Variants in RECQL4 observed in about 807,000 individuals in gnomAD.
RECQL4 encodes the protein RecQ like helicase 4, also known as ATP-dependent DNA helicase Q4.
Under a neutral mutation model 128.6 loss-of-function variants are expected in RECQL4, and 158 were observed. The observed-to-expected ratio is 1.23, with a 90% CI of 1.08 to 1.40. RECQL4 has a LOEUF of 1.40. RECQL4 is among the 40% of genes most tolerant of loss of function. The pLI, the probability that RECQL4 is intolerant of heterozygous loss-of-function variation, is 0.00. For synonymous variants in RECQL4, 996 were observed against 678.9 expected, an observed-to-expected ratio of 1.47 and a Z score of -7.26; for missense variants, 2,293 against 1,649.8, an observed-to-expected ratio of 1.39 and a Z score of -6.75.
chr8:144,517,084 T>A lies in RECQL4; in HGVS notation c.320A>T (p.Gln107Leu). Residue 107 changes from glutamine (Q) to leucine (L), a missense_variant, in exon 4 of 21, where the codon CAG (glutamine) becomes CTG (leucine). Transcript: ENST00000617875. ...SRQGSVPDYGQRLKANLKGTL... is the reference protein window; with the variant it reads ...SRQGSVPDYGLRLKANLKGTL... The stretch of plus-strand genomic sequence containing the variant: ...GCCTTTCAGATTGGCCTTGAGCCGC[T>A]GCCCGTAGTCCGGCACCGAGCCCTG... 6.2e-7 allele frequency: 1 copy of A among 1,612,260 alleles called. No individual in the cohort carries two copies. Among genetic ancestry groups the A allele is most frequent in the East Asian group, 2.2e-5 (1 of 44,860 alleles).
Position 144,517,708 on chromosome 8 carries a change from G to A in RECQL4, c.77C>T (p.Pro26Leu). ...CCCCTGGGCAGCCCGCACCTGGCTCGGTCGCCGCCCGCGCTGCCGTCGGAA... is the reference window on the plus strand; with the variant it reads ...CCCCTGGGCAGCCCGCACCTGGCTCAGTCGCCGCCCGCGCTGCCGTCGGAA... ...RAFRRQRGRRPSQDDVEAAPE... is the reference protein window; with the variant it reads ...RAFRRQRGRRLSQDDVEAAPE... The change falls in exon 1 of 21, where the codon CCG (proline) becomes CTG (leucine). Residue 26 changes from proline to leucine, a missense_variant. By Grantham distance (98) the Pro-to-Leu change is moderately conservative. Coordinates refer to ENST00000617875, the MANE Select transcript of RECQL4 (RefSeq NM_004260.4). 7.3e-7 allele frequency: 1 copy of A among 1,369,986 alleles called. No individual in the cohort carries two copies. Among genetic ancestry groups the A allele is most frequent in the Non-Finnish European group, 9.4e-7 (1 of 1,062,018 alleles). 84.9% of individuals were successfully genotyped at this position (1,369,986 alleles called of 1,614,324 possible). A position where few individuals can be genotyped will look rare whatever the true frequency, so the allele number is the denominator to read the frequency against.
chr8:144,513,764 GTGC>G (rs1827710346), intron 12 of RECQL4, 52 bp from the exon 13 acceptor site: 2 of 1,491,860 alleles, frequency 1.3e-6, no homozygotes, highest in Non-Finnish European at 1.8e-6. Context: ...GGGTCGGCGT[GTGC>G]AGTGGGGAGT....
chr8:144,514,215 G>A lies in RECQL4; in HGVS notation c.1852C>T (p.Arg618Trp), dbSNP rs766726409. 3.5e-5 allele frequency: 57 copies of A among 1,612,182 alleles called. No homozygotes were observed. The highest frequency in any genetic ancestry group is 4.0e-5 in the African/African-American group (3 of 74,880). ...HCLSQWSHNF[R>W]PCYLRVCKVL... ...TTGCAGACGCGCAGGTAGCAGGGCC[G>A]GAAGTTGTGGGACCACTGGGAGAGG... The change falls in exon 11 of 21, where the codon CGG becomes TGG. Residue 618 changes from arginine to tryptophan, a missense_variant. Physicochemically the swap from Arg to Trp is moderately radical, Grantham distance 101 (BLOSUM62 -3). Coordinates refer to ENST00000617875, the MANE Select transcript of RECQL4 (RefSeq NM_004260.4).
At position 144,513,914 on chromosome 8, in the gene RECQL4, G is replaced by A; in HGVS notation, c.2058+14C>T. 2.6e-6 allele frequency: 4 copies of A among 1,550,374 alleles called. No individual in the cohort carries two copies. Among genetic ancestry groups the A allele is most frequent in the Non-Finnish European group, 3.5e-6 (4 of 1,147,616 alleles). On this transcript the variant is annotated intron_variant, in intron 12 of 20. Transcript: ENST00000617875. ...GCCAGGGCCCTGCAGGGTCCCCAGA[G>A]CACACACACCCACCTGGTCTGTGTC...
At chr8:144,514,709 G>A (rs1038463355) in intron 9 of RECQL4, among the ~76,000 whole-genome samples, 184 bp from the exon 10 acceptor site, 1 of 152,216 alleles carries the variant, frequency 6.6e-6, no homozygotes, top group African/African-American at 2.4e-5. Flanking sequence ...AGAGCAGACA[G>A]ACTGAAGTAG....
At chr8:144,515,288 C>T (rs962197918) in intron 7 of RECQL4, 38 bp downstream of exon 7, 3 of 1,610,756 alleles carry the variant, frequency 1.9e-6, no homozygotes, top group Admixed American at 1.7e-5. Flanking sequence ...CACCCCAACC[C>T]CTCAGTGAAG....
In RECQL4 at chr8:144,516,127, C is replaced by G. The variant is rs1156246668; in HGVS notation, c.992G>C (p.Gly331Ala). 6.2e-7 allele frequency: 1 copy of G among 1,612,960 alleles called. No homozygotes were observed. Among genetic ancestry groups the G allele is most frequent in the Non-Finnish European group, 8.5e-7 (1 of 1,179,878 alleles). The change falls in exon 5 of 21, where the codon GGG (glycine) becomes GCG (alanine). Residue 331 changes from glycine to alanine, a missense_variant. Physicochemically the swap from Gly to Ala is moderately conservative, Grantham distance 60. Coordinates refer to ENST00000617875, the MANE Select transcript of RECQL4 (RefSeq NM_004260.4). ...CAGGGGGGCTGTGCCCTCAGCCTTC[C>G]CAGCCCTAGCTTGACTGGAGGGGCT... ...GLSPSSQARA[G>A]KAEGTAPLHI...
At position 144,512,980 on chromosome 8, in the gene RECQL4, C is replaced by T; in HGVS notation, c.2622G>A (p.Val874=). 6.4e-7 allele frequency: 1 copy of T among 1,570,188 alleles called. No homozygotes were observed. Among genetic ancestry groups the T allele is most frequent in the Non-Finnish European group, 8.6e-7 (1 of 1,158,138 alleles). The change falls in exon 15 of 21, where the codon GTG becomes GTA. Residue 874 remains valine (V), a synonymous_variant. Transcript: ENST00000617875. ...CAGCCTCTTGAGGGGGGTACTTGGGCACAGGCCTCTCCCCACCCACGGCCC... is the reference window on the plus strand; with the variant it reads ...CAGCCTCTTGAGGGGGGTACTTGGGTACAGGCCTCTCCCCACCCACGGCCC... ...QEGAVGGERP[V]PKYPPQEAEQ... is the part of the protein sequence containing the mutation.
chr8:144,512,359 G>A (rs752195344), intron 17 of RECQL4, 33 bp downstream of exon 17: 15 of 1,609,856 alleles, frequency 9.3e-6, no homozygotes, highest in Admixed American at 5.0e-5. Flanking sequence ...GGCAGGCAGC[G>A]TCCAGGGCGG....
rs1220237491 is a variant in RECQL4, at chr8:144,513,070, C to T, written c.2532G>A (p.Arg844=). 2.5e-6 allele frequency: 4 copies of T among 1,579,164 alleles called. No homozygotes were observed. The highest frequency in any genetic ancestry group is 3.4e-6 in the Non-Finnish European group (4 of 1,161,498). Residue 844 remains arginine (R), a synonymous_variant, in exon 15 of 21, where the codon AGG becomes AGA. Transcript: ENST00000617875. ...AGGCTGGGAACACGCGCTGTACCAGCCTCTTCACAGCCAGGAAGTCCGTGC... is the reference window on the plus strand; with the variant it reads ...AGGCTGGGAACACGCGCTGTACCAGTCTCTTCACAGCCAGGAAGTCCGTGC... The part of the protein sequence containing the change: ...ADSTDFLAVK[R]LVQRVFPACT...
chr8:144,514,838 G>A lies in RECQL4; in HGVS notation c.1620+98C>T, dbSNP rs564282728. 1.2e-4 allele frequency: 178 copies of A among 1,448,688 alleles called. No homozygotes were observed. In the African/African-American group the frequency reaches 1.6e-3, roughly 13 times the overall value. The allele number at this position is 1,448,688 out of a possible 1,614,324, so 89.7% of individuals were successfully genotyped here. On this transcript the variant is annotated intron_variant, in intron 9 of 20. Transcript: ENST00000617875. ...GGCCACAGACACCTTGAAGCTCCCA[G>A]GGGAGGGGGTGGTTAGGGGACAAGC... is the stretch of plus-strand genomic sequence containing the variant.
In RECQL4 at chr8:144,514,377, A is replaced by G. The variant is rs757557206; in HGVS notation, c.1705-15T>C. ...GCTGCCCGAATCTGAAGGCAGCAAGATCAGAGGCACAGCCCAGGTGCCCGC... is the reference window on the plus strand; with the variant it reads ...GCTGCCCGAATCTGAAGGCAGCAAGGTCAGAGGCACAGCCCAGGTGCCCGC... On this transcript the variant is annotated splice_polypyrimidine_tract_variant and intron_variant, in intron 10 of 20. Transcript: ENST00000617875. The G allele has an allele frequency of 1.9e-6, 3 of 1,599,780 alleles. No individual in the cohort carries two copies. The highest frequency in any genetic ancestry group is 2.6e-6 in the Non-Finnish European group (3 of 1,170,814).
chr8:144,513,714 TGATGAGGAGCGGTTGGCGTGGGCAGTGGG>T lies in RECQL4; in HGVS notation c.2059-31_2059-3del. 6.5e-7 allele frequency: 1 copy of T among 1,538,240 alleles called. No homozygotes were observed. Among genetic ancestry groups the T allele is most frequent in the Non-Finnish European group, 8.8e-7 (1 of 1,142,314 alleles). ...GCCTTGCAGCAGCGTCAACAGTGCC[TGATGAGGAGCGGTTGGCGTGGGCAGTGGG>T]GAGTGAGGAGGGGTCGGCGTGTGCA... On this transcript the variant is annotated splice_polypyrimidine_tract_variant and splice_region_variant and intron_variant, in intron 12 of 20. Transcript: ENST00000617875.
intron 3 of RECQL4, 109 bp from the exon 4 acceptor site, chr8:144,517,299 C>A: frequency 6.7e-7 from 1 of 1,491,512 alleles, no homozygotes; most frequent in Non-Finnish European, 9.0e-7. Flanking sequence ...CTTCACTTTG[C>A]CCAGTCCCCC....
Position 144,516,330 on chromosome 8 carries a change from T to C in RECQL4, c.789A>G (p.Arg263=), listed in dbSNP as rs1430320264. The C allele has an allele frequency of 5.6e-6, 9 of 1,609,518 alleles. No individual in the cohort carries two copies. The highest frequency in any genetic ancestry group is 1.6e-4 in the Middle Eastern group (1 of 6,084). Residue 263 remains arginine, a synonymous_variant, in exon 5 of 21, where the codon AGA becomes AGG. Transcript: ENST00000617875. ...GGCTCTCCCAGGGCTCCTCGTTCCATCTCCGCTTCTCGCCTCCACTGCTGC... is the reference window on the plus strand; with the variant it reads ...GGCTCTCCCAGGGCTCCTCGTTCCACCTCCGCTTCTCGCCTCCACTGCTGC... ...QPSSSGGEKR[R]WNEEPWESPA... is the part of the protein sequence containing the mutation.
rs1828083852 is a variant in RECQL4 at position 144,515,824 on chromosome 8, T to C, written c.1198A>G (p.Lys400Glu). ...FGGGGATVTT[K>E]ESCFLNEQFD... Reference sequence around the variant, plus strand: ...TGCTCGTTCAGGAAACAAGACTCCTTGGTTGTGACTGTGGCACCACCACCC... The same window carrying C: ...TGCTCGTTCAGGAAACAAGACTCCTCGGTTGTGACTGTGGCACCACCACCC... The change falls in exon 6 of 21, where the codon AAG becomes GAG. Residue 400 changes from lysine to glutamate, a missense_variant. By Grantham distance (56) the Lys-to-Glu change is moderately conservative. Transcript: ENST00000617875. 1 of 1,612,890 alleles carries C rather than the reference T, an allele frequency of 6.2e-7. No homozygotes were observed. Among genetic ancestry groups the C allele is most frequent in the Non-Finnish European group, 8.5e-7 (1 of 1,179,808 alleles).
Position 144,512,124 on chromosome 8 carries a change from C to T in RECQL4, c.3236+20G>A, listed in dbSNP as rs763996447. ...TGCGGGAGGGTGGATGGTCCCAGGC[C>T]CCGCCCGCCTCCTCCCAACCTGTGA... On this transcript the variant is annotated intron_variant, in intron 18 of 20. Transcript: ENST00000617875. The T allele has an allele frequency of 1.2e-6, 2 of 1,601,656 alleles. No homozygotes were observed. Among genetic ancestry groups the T allele is most frequent in the Admixed American group, 3.4e-5 (2 of 58,806 alleles).
Position 144,516,043 on chromosome 8 carries a change from T to C in RECQL4, c.1076A>G (p.Lys359Arg), listed in dbSNP as rs2130716448. ...CCGGCCCCGCACGTAGTGTTTCTGC[T>C]TCATGTTGAGCCGTACGTAATTGCC... ...DRGNYVRLNM[K>R]QKHYVRGRAL... is the part of the protein sequence containing the mutation. The change falls in exon 5 of 21, where the codon AAG (lysine) becomes AGG (arginine). Residue 359 changes from lysine (K) to arginine (R), a missense_variant. Transcript: ENST00000617875. The C allele has an allele frequency of 1.9e-6, 3 of 1,612,344 alleles. No homozygotes were observed. Among genetic ancestry groups the C allele is most frequent in the Non-Finnish European group, 2.5e-6 (3 of 1,179,582 alleles).
At chr8:144,515,667 G>A (rs1278374479) in intron 6 of RECQL4, 97 bp downstream of exon 6, 4 of 1,510,592 alleles carry the variant, frequency 2.6e-6, no homozygotes, top group African/African-American at 2.7e-5. Context: ...AGGGGTACCT[G>A]GAAGGCCTGT....
Sources: gnomAD v4.1 joint callset for allele counts (sites outside exome capture counted in the v4.1 genomes callset) on GRCh38, gnomAD v4.1.1 for gene constraint, MANE v1.5 for transcripts, NCBI Gene and HGNC (gene_info 2026-07-23, HGNC 2026-07-21) for gene names.